The following PCDHGA4 variants were observed in gnomAD, a reference collection of about 807,000 sequenced individuals.
The protein encoded by PCDHGA4 is protocadherin gamma-A4.
A neutral mutation model predicts 54.6 loss-of-function variants in PCDHGA4; 38 were observed. The ratio of observed to expected loss-of-function variants is 0.70; its 90% CI spans 0.54 to 0.91. The LOEUF is 0.91. Ranked by LOEUF, PCDHGA4 falls within the 40% of genes least tolerant of loss-of-function variation. The probability of loss-of-function intolerance (pLI) is 0.00; values close to 1 mark genes in which losing one functional copy is unlikely to be tolerated. For synonymous variants in PCDHGA4, 511 were observed against 512.9 expected (o/e 1.00, Z 0.05); for missense variants, 1,298 against 1,220.9 (o/e 1.06, Z -0.94).
At chr5:141,418,131 A>C (rs1421799777) in intron 1 of PCDHGA4, 1 of 1,614,044 alleles carries the variant, frequency 6.2e-7, no homozygotes, top group East Asian at 2.2e-5. Flanking sequence ...GACCGAATAG[A>C]CCGTGAGCAA....
Position 141,489,900 on chromosome 5 carries a change from A to T in PCDHGA4, c.2515-4907A>T. ...TTACTGCTGTGGATGGGGGGACCCC[A>T]GCCCGCTCAGGGACCACCCTTATCT... On this transcript the variant is annotated intron_variant, in intron 1 of 3. Coordinates refer to ENST00000571252, the MANE Select transcript of PCDHGA4 (RefSeq NM_018917.4). This position sits in a 1 kb window ranked among gnomAD's most constrained non-coding sequence, Gnocchi z 4.5. The T allele has an allele frequency of 6.2e-7, 1 of 1,614,254 alleles. No homozygotes were observed. The highest frequency in any genetic ancestry group is 8.5e-7 in the Non-Finnish European group (1 of 1,180,044).
At chr5:141,415,185 C>T (rs375113497) in intron 1 of PCDHGA4, 2 of 1,613,978 alleles carry the variant, frequency 1.2e-6, no homozygotes, top group Non-Finnish European at 8.5e-7. Flanking sequence ...CCGTGGCCGA[C>T]AGCATCCCCC....
intron 1 of PCDHGA4, chr5:141,387,860 G>T: frequency 6.3e-7 from 1 of 1,593,236 alleles, no homozygotes; most frequent in Non-Finnish European, 8.5e-7. Flanking sequence ...CCAGGCTGGT[G>T]AGCAAGCTGA....
At chr5:141,471,508 G>A (rs1262338812) in intron 1 of PCDHGA4, 3 of 152,216 alleles carry the variant, frequency 2.0e-5, no homozygotes, top group African/African-American at 7.2e-5. Context: ...AAGAGAGGGA[G>A]TAAAAATAAC....
At chr5:141,367,332 A>T (rs957450702) in intron 1 of PCDHGA4, 3 of 152,294 alleles carry the variant, frequency 2.0e-5, no homozygotes, top group African/African-American at 4.8e-5. Flanking sequence ...AGGTCAGGAG[A>T]TCGAGACCAT....
rs771155381 is a variant in PCDHGA4, at chr5:141,355,726, G to T, written c.619G>T (p.Gly207Cys). 5.6e-6 allele frequency: 9 copies of T among 1,613,978 alleles called. No individual in the cohort carries two copies. In the South Asian group the frequency reaches 9.9e-5, roughly 18 times the overall value. ...GCAGGGTTACCAGCTCAACTCAAAC[G>T]GTTACTTTTCCCTGGACGTGCAAAG... is the stretch of plus-strand genomic sequence containing the variant. ...SLQGYQLNSNGYFSLDVQSGA... is the reference protein window; with the variant it reads ...SLQGYQLNSNCYFSLDVQSGA... Residue 207 changes from glycine (G) to cysteine (C), a missense_variant, in exon 1 of 4, where the codon GGT (glycine) becomes TGT (cysteine). Coordinates refer to ENST00000571252, the MANE Select transcript of PCDHGA4 (RefSeq NM_018917.4).
chr5:141,362,078 A>G, intron 1 of PCDHGA4: 3 of 1,612,904 alleles, frequency 1.9e-6, no homozygotes, highest in Non-Finnish European at 2.5e-6. Flanking sequence ...GCTGTGCGTG[A>G]TGGAGGACAG....
At chr5:141,419,475 C>G (rs775720158) in intron 1 of PCDHGA4, 2 of 1,612,266 alleles carry the variant, frequency 1.2e-6, no homozygotes, top group Admixed American at 1.7e-5. Context: ...GACCAGGGCT[C>G]GCCCGCGCTC....
chr5:141,400,621 A>G (rs1361532935), intron 1 of PCDHGA4: 1 of 1,521,426 alleles, frequency 6.6e-7, no homozygotes, highest in Non-Finnish European at 9.0e-7. Flanking sequence ...GAGTTGTCTT[A>G]GGGAAGTCAG....
At chr5:141,434,337 C>T (rs939910421) in intron 1 of PCDHGA4, among the ~76,000 whole-genome samples, 13 of 152,230 alleles carry the variant, frequency 8.5e-5, no homozygotes, top group African/African-American at 2.4e-4. Context: ...CTCTTTGTGT[C>T]GGGAACAGGC....
rs754652710 is a variant in PCDHGA4 at position 141,476,367 on chromosome 5, G to A, written c.2515-18440G>A. Reference sequence around the variant, plus strand: ...TTCTTTGAGGTGAACCGGGAGACCGGAGAGATGTTTGTGAACGACCGTCTG... The same window carrying A: ...TTCTTTGAGGTGAACCGGGAGACCGAAGAGATGTTTGTGAACGACCGTCTG... On this transcript the variant is annotated intron_variant, in intron 1 of 3. Coordinates refer to ENST00000571252, the MANE Select transcript of PCDHGA4 (RefSeq NM_018917.4). The surrounding 1 kb of genome is among the most constrained non-coding windows in gnomAD (Gnocchi z 7.6). The A allele has an allele frequency of 2.5e-6, 4 of 1,614,172 alleles. No homozygotes were observed. In the South Asian group the frequency reaches 3.3e-5, roughly 13 times the overall value.
In PCDHGA4 at chr5:141,491,225, T is replaced by G. The variant is rs764111440; in HGVS notation, c.2515-3582T>G. The stretch of plus-strand genomic sequence containing the variant: ...CCTTCACTCTCCTCCACAGCCACAG[T>G]GCTGCTGGTTCTGGAGGATGAGGAC... On this transcript the variant is annotated intron_variant, in intron 1 of 3. Transcript: ENST00000571252. This position sits in a 1 kb window ranked among gnomAD's most constrained non-coding sequence, Gnocchi z 6.9. 6.2e-7 allele frequency: 1 copy of G among 1,614,232 alleles called. No individual in the cohort carries two copies. Among genetic ancestry groups the G allele is most frequent in the Non-Finnish European group, 8.5e-7 (1 of 1,180,028 alleles).
rs771858105 is a variant in PCDHGA4 at position 141,428,074 on chromosome 5, G to A, written c.2515-66733G>A. 4.4e-6 allele frequency: 7 copies of A among 1,609,112 alleles called. No homozygotes were observed. The African/African-American group carries it at 5.3e-5, about 12-fold the overall frequency. On this transcript the variant is annotated intron_variant, in intron 1 of 3. Transcript: ENST00000571252. The stretch of plus-strand genomic sequence containing the variant: ...GTGGTGGCGGTGGACGCAGATTCGG[G>A]ACACAACGCTTGGCTGTCCTACCAC...
At chr5:141,423,120 G>A in intron 1 of PCDHGA4, 1 of 1,613,800 alleles carries the variant, frequency 6.2e-7, no homozygotes. Flanking sequence ...GTACAGCGCG[G>A]GCACTGCTGG....
At chr5:141,413,222 G>T in intron 1 of PCDHGA4, 1 of 1,613,796 alleles carries the variant, frequency 6.2e-7, no homozygotes, top group Admixed American at 1.7e-5. Flanking sequence ...GATTGCAGCG[G>T]GCTGGTCCTG....
At chr5:141,448,984 A>C (rs2098621334) in intron 1 of PCDHGA4, among the ~76,000 whole-genome samples, 1 of 152,086 alleles carries the variant, frequency 6.6e-6, no homozygotes, top group Non-Finnish European at 1.5e-5. Context: ...CTTCCATATT[A>C]ATATATAGAA....
At chr5:141,360,929 C>G (rs1415518653) in intron 1 of PCDHGA4, 13 of 1,613,914 alleles carry the variant, frequency 8.1e-6, no homozygotes, top group East Asian at 6.7e-5. Flanking sequence ...CTTCAAGTGA[C>G]AGCCACCGAC....
chr5:141,404,596 G>A, intron 1 of PCDHGA4: 1 of 1,614,080 alleles, frequency 6.2e-7, no homozygotes, highest in Non-Finnish European at 8.5e-7. Context: ...ATGTGTCATT[G>A]AGACTGTTTG....
At chr5:141,415,023 C>A (rs1213037511) in intron 1 of PCDHGA4, 1 of 1,613,530 alleles carries the variant, frequency 6.2e-7, no homozygotes, top group East Asian at 2.2e-5. Flanking sequence ...TCAAGGCCAG[C>A]GAGCCGGGAC....
Sources: allele counts gnomAD v4.1 joint callset (sites outside exome capture counted in the v4.1 genomes callset), GRCh38; gene constraint gnomAD v4.1.1; non-coding constraint Gnocchi (gnomAD v3.1); transcripts MANE v1.5; gene names NCBI Gene and HGNC (gene_info 2026-07-23, HGNC 2026-07-21).